ZFAT: variants seen among roughly 807,000 people sequenced by gnomAD.
ZFAT encodes the protein zinc finger and AT-hook domain containing.
A neutral mutation model predicts 117.7 loss-of-function variants in ZFAT; 64 were observed. The observed-to-expected ratio is 0.54, with a 90% CI of 0.44 to 0.67. The LOEUF (loss-of-function observed/expected upper bound fraction) is 0.67. ZFAT is among the 30% of genes least tolerant of loss of function. The pLI, the probability that ZFAT is intolerant of heterozygous loss-of-function variation, is 0.00. For synonymous variants in ZFAT, 679 were observed against 615.0 expected, an observed-to-expected ratio of 1.10 and a Z score of -1.54; for missense variants, 1,433 against 1,584.5, an observed-to-expected ratio of 0.90 and a Z score of 1.62.
chr8:134,712,080 C>A (rs961914506), intron 1 of ZFAT, among the ~76,000 whole-genome samples: 1 of 152,220 alleles, frequency 6.6e-6, no homozygotes, highest in Non-Finnish European at 1.5e-5. Flanking sequence ...TGAACACTTA[C>A]ATGAGCCAAG....
chr8:134,506,786 G>A (rs192090834), intron 15 of ZFAT, among the ~76,000 whole-genome samples: 29 of 152,322 alleles, frequency 1.9e-4, no homozygotes, highest in African/African-American at 6.7e-4. Context: ...TATGTACAAT[G>A]TAGAATTTGT....
At chr8:134,674,308 C>T (rs1359294667) in intron 1 of ZFAT, among the ~76,000 whole-genome samples, 1 of 152,198 alleles carries the variant, frequency 6.6e-6, no homozygotes, top group African/African-American at 2.4e-5. Flanking sequence ...CCTGGCTCGG[C>T]AGGTCCCACC....
the ZFAT span, among the ~76,000 whole-genome samples, chr8:134,754,810 A>G: frequency 0.8 from 121,114 of 152,184 alleles, 48,563 homozygotes; most frequent in African/African-American, 0.9. Context: ...TGTGGGACCC[A>G]ATGAGAGGTG....
At chr8:134,721,308 C>G in the ZFAT span, among the ~76,000 whole-genome samples, 679 of 152,320 alleles carry the variant, frequency 4.5e-3, 5 homozygotes, top group African/African-American at 0.016. Flanking sequence ...AAATGGTCAG[C>G]TCCTTTCCTT....
rs75104459 is a variant in ZFAT at position 134,546,119 on chromosome 8, T to C, written c.2977-13147A>G. Among the ~76,000 whole-genome samples the C allele has an allele frequency of 7.5e-3, 1,150 of 152,356 alleles. 7 individuals are homozygous for C. The highest frequency in any genetic ancestry group is 0.013 in the Non-Finnish European group (856 of 68,030). ...ATGCAAAGTAATTTTTAGGTTTATT[T>C]TCTTTCATCTGTGTGATAAAAACTG... On this transcript the variant is annotated intron_variant, in intron 11 of 15. Coordinates refer to ENST00000377838, the MANE Select transcript of ZFAT (RefSeq NM_020863.4).
At chr8:134,657,470 G>A (rs1259125011) in intron 2 of ZFAT, 91 bp downstream of exon 2, 3 of 1,291,180 alleles carry the variant, frequency 2.3e-6, no homozygotes, top group African/African-American at 3.0e-5. Flanking sequence ...TTGGAAATGT[G>A]GATTTTCTAG....
chr8:134,605,453 G>A (rs1351704488), intron 5 of ZFAT, among the ~76,000 whole-genome samples: 1 of 152,018 alleles, frequency 6.6e-6, no homozygotes. Flanking sequence ...GGCTGAGGCG[G>A]GAGAATGGCG....
the ZFAT span, among the ~76,000 whole-genome samples, chr8:134,789,891 G>C: frequency 6.6e-6 from 1 of 152,174 alleles, no homozygotes; most frequent in Admixed American, 6.5e-5. Context: ...AGTATACACA[G>C]TGTGGTACAC....
chr8:134,744,831 G>T, the ZFAT span, among the ~76,000 whole-genome samples: 2 of 142,016 alleles, frequency 1.4e-5, no homozygotes, highest in South Asian at 4.5e-4. Flanking sequence ...CTGGGTTCAT[G>T]CCATTCTCCT....
chr8:134,621,820 C>T (rs1829133987), intron 3 of ZFAT, among the ~76,000 whole-genome samples: 1 of 152,196 alleles, frequency 6.6e-6, no homozygotes. Context: ...ATTAAAACTA[C>T]TGAATTAAGA....
intron 13 of ZFAT, among the ~76,000 whole-genome samples, chr8:134,517,439 A>G (rs1820332183): frequency 6.6e-6 from 1 of 152,160 alleles, no homozygotes. Flanking sequence ...TTACTTTGAA[A>G]ATAATTTTAG....
At chr8:134,617,328 G>A (rs1828819704) in intron 3 of ZFAT, among the ~76,000 whole-genome samples, 1 of 152,182 alleles carries the variant, frequency 6.6e-6, no homozygotes, top group African/African-American at 2.4e-5. Flanking sequence ...TCCTATGTTG[G>A]AAATGCTTCA....
At chr8:134,620,959 T>A (rs897968441) in intron 3 of ZFAT, among the ~76,000 whole-genome samples, 2 of 152,202 alleles carry the variant, frequency 1.3e-5, no homozygotes, top group African/African-American at 4.8e-5. Flanking sequence ...TGAACCCTCT[T>A]CAAATATCCT....
At chr8:134,633,692 A>G (rs1402985416) in intron 3 of ZFAT, among the ~76,000 whole-genome samples, 1 of 152,242 alleles carries the variant, frequency 6.6e-6, no homozygotes, top group Non-Finnish European at 1.5e-5. Flanking sequence ...GTGTGACCAA[A>G]GCCAACGGCT....
Position 134,641,600 on chromosome 8 carries a change from A to C in ZFAT, c.197-3888T>G, listed in dbSNP as rs74627443. Among the ~76,000 whole-genome samples the C allele has an allele frequency of 5.3e-3, 811 of 152,034 alleles. 10 individuals are homozygous for C. Among genetic ancestry groups the C allele is most frequent in the African/African-American group, 0.019 (782 of 41,470 alleles). On this transcript the variant is annotated intron_variant, in intron 2 of 15. Transcript: ENST00000377838. ...TCCCTGATTGTTTCGATTTTTCCCC[A>C]CCTTTTATGACAAACCCTGAGGTCT...
intron 7 of ZFAT, chr8:134,598,327 T>G (rs1244487519): frequency 1.3e-5 from 2 of 152,358 alleles, no homozygotes; most frequent in African/African-American, 4.8e-5. Flanking sequence ...ACAGCAGCTG[T>G]TCCTTCCCTT....
intron 2 of ZFAT, among the ~76,000 whole-genome samples, chr8:134,640,519 G>A (rs966354029): frequency 6.6e-5 from 10 of 152,162 alleles, no homozygotes; most frequent in Admixed American, 5.9e-4. Context: ...CCCCAGACTG[G>A]AGACTCCTCG....
At chr8:134,594,617 C>A (rs1826782744) in intron 7 of ZFAT, among the ~76,000 whole-genome samples, 1 of 152,180 alleles carries the variant, frequency 6.6e-6, no homozygotes, top group Non-Finnish European at 1.5e-5. Context: ...CCTCCTCCTA[C>A]TAAAAAGGAG....
At chr8:134,482,172 G>A (rs1817357540) in intron 15 of ZFAT, among the ~76,000 whole-genome samples, 1 of 152,176 alleles carries the variant, frequency 6.6e-6, no homozygotes, top group African/African-American at 2.4e-5. Context: ...CTTCTTCTCT[G>A]ACCCCCCGGG....
Sources: allele counts gnomAD v4.1 joint callset (sites outside exome capture counted in the v4.1 genomes callset), GRCh38; gene constraint gnomAD v4.1.1; transcripts MANE v1.5; gene names NCBI Gene and HGNC (gene_info 2026-07-23, HGNC 2026-07-21).